The following BNC2 variants were observed in gnomAD, a reference collection of about 807,000 sequenced individuals.
BNC2 encodes the protein zinc finger protein basonuclin-2.
BNC2 carries 20 observed loss-of-function variants against 76.3 expected under a neutral mutation model. The observed-to-expected ratio is 0.26, with a 90% CI of 0.18 to 0.38. The LOEUF (loss-of-function observed/expected upper bound fraction) is 0.38, where lower values mean the gene tolerates loss of function less well. Ranked by LOEUF, BNC2 falls within the 10% of genes least tolerant of loss-of-function variation. The pLI is 1.00. For missense variants in BNC2, 1,382 were observed against 1,399.8 expected, an observed-to-expected ratio of 0.99 and a Z score of 0.20; for synonymous variants, 582 against 514.8, an observed-to-expected ratio of 1.13 and a Z score of -1.77.
intron 3 of BNC2, among the ~76,000 whole-genome samples, chr9:16,699,569 T>G (rs1823446701): frequency 6.6e-6 from 1 of 152,214 alleles, no homozygotes; most frequent in South Asian, 2.1e-4. Flanking sequence ...TAAAGAACAC[T>G]GTGGCACTGT....
intron 3 of BNC2, among the ~76,000 whole-genome samples, chr9:16,621,339 C>T (rs1247324928): frequency 1.3e-5 from 2 of 152,110 alleles, no homozygotes; most frequent in African/African-American, 2.4e-5. Context: ...TTTCTTCTCC[C>T]ACAACACTGC....
intron 3 of BNC2, among the ~76,000 whole-genome samples, chr9:16,601,444 G>T (rs755620268): frequency 6.6e-6 from 1 of 152,212 alleles, no homozygotes; most frequent in East Asian, 1.9e-4. Flanking sequence ...AAGGACTTCA[G>T]GGGTAAAGGG....
intron 1 of BNC2, among the ~76,000 whole-genome samples, chr9:16,744,196 C>G (rs1485555212): frequency 6.6e-6 from 1 of 152,130 alleles, no homozygotes; most frequent in African/African-American, 2.4e-5. Context: ...GTCTCAATCT[C>G]CTGACCTTGT....
chr9:16,795,928 T>A (rs1586890668), intron 1 of BNC2, among the ~76,000 whole-genome samples: 1 of 152,090 alleles, frequency 6.6e-6, no homozygotes, highest in Non-Finnish European at 1.5e-5. Context: ...ACTAAGCACC[T>A]CCAAGAGCAA....
chr9:16,602,504 A>T (rs1820270384), intron 3 of BNC2, among the ~76,000 whole-genome samples: 2 of 152,174 alleles, frequency 1.3e-5, no homozygotes, highest in Non-Finnish European at 2.9e-5. Context: ...AGAAAACAAA[A>T]ATCTAAATGT....
Position 16,506,510 on chromosome 9 carries a change from C to T in BNC2, c.669+46020G>A, listed in dbSNP as rs201474919. On this transcript the variant is annotated intron_variant, in intron 5 of 6. Transcript: ENST00000380672. ...AAAGTACACTTCTCTCTCTCTCTCT[C>T]CTCTTTTTTTTTTTTTTTTTTTTTT... Among the ~76,000 whole-genome samples the T allele has an allele frequency of 2.3e-5, 2 of 88,540 alleles. 1 individual carries two copies. 58.1% of individuals were successfully genotyped at this position (88,540 alleles called of 152,430 possible).
rs80291377 is a variant in BNC2 at position 16,684,915 on chromosome 9, A to T, written c.330+42882T>A. 1.7e-4 allele frequency among the ~76,000 whole-genome samples: 24 copies of T among 144,330 alleles called. 1 individual carries two copies. In the South Asian group the frequency reaches 5.1e-3, roughly 31 times the overall value. The allele number at this position is 144,330 out of a possible 152,430, so 94.7% of individuals were successfully genotyped here. ...AACAGTTTCACCAAAAAAAAAAAAA[A>T]TGTACTTTGCTAATATACTCCTATT... On this transcript the variant is annotated intron_variant, in intron 3 of 6. Transcript: ENST00000380672.
At chr9:16,811,237 A>AAAAAAAAACC (rs796981394) in intron 1 of BNC2, among the ~76,000 whole-genome samples, 3 of 145,298 alleles carry the variant, frequency 2.1e-5, no homozygotes, top group African/African-American at 8.0e-5. Context: ...GACCAAAAAA[A>AAAAAAAAACC]AAAAAAACCA....
At chr9:16,723,840 C>T (rs1374723366) in intron 3 of BNC2, among the ~76,000 whole-genome samples, 2 of 152,024 alleles carry the variant, frequency 1.3e-5, no homozygotes, top group African/African-American at 4.8e-5. Flanking sequence ...ATAACTAACA[C>T]ATCATGCTAA....
In BNC2 at chr9:16,746,906, G is replaced by A. The variant is rs374215205; in HGVS notation, c.4-8421C>T. 6.0e-5 allele frequency among the ~76,000 whole-genome samples: 9 copies of A among 150,524 alleles called. No individual in the cohort carries two copies. In the East Asian group the frequency reaches 8.0e-4, roughly 13 times the overall value. ...AAACTCTGGAGGCAGAGCTTGCAGT[G>A]AGCAGAGATTGCACCACTGCACTCC... is the stretch of plus-strand genomic sequence containing the variant. On this transcript the variant is annotated intron_variant, in intron 1 of 6. Coordinates refer to ENST00000380672, the MANE Select transcript of BNC2 (RefSeq NM_017637.6).
At chr9:16,718,530 G>C (rs769087134) in intron 3 of BNC2, among the ~76,000 whole-genome samples, 5 of 152,142 alleles carry the variant, frequency 3.3e-5, no homozygotes, top group African/African-American at 9.7e-5. Flanking sequence ...ATTTGAGTCA[G>C]AGAGACTCAT....
At chr9:16,698,228 T>C (rs1250660132) in intron 3 of BNC2, among the ~76,000 whole-genome samples, 1 of 152,148 alleles carries the variant, frequency 6.6e-6, no homozygotes, top group Non-Finnish European at 1.5e-5. Flanking sequence ...AAAATTATGC[T>C]GCCTTCCCTA....
chr9:16,664,112 A>G (rs867681520), intron 3 of BNC2, among the ~76,000 whole-genome samples: 3 of 152,064 alleles, frequency 2.0e-5, no homozygotes, highest in Admixed American at 1.3e-4. Context: ...CTGTTTCCCA[A>G]TGTAAAGGGA....
At chr9:16,682,105 T>A (rs139813054) in intron 3 of BNC2, among the ~76,000 whole-genome samples, 2,792 of 151,978 alleles carry the variant, frequency 0.018, 42 homozygotes, top group South Asian at 0.055. Flanking sequence ...AACCTTTTTT[T>A]AAAAATAAGT....
intron 5 of BNC2, among the ~76,000 whole-genome samples, chr9:16,525,591 T>C (rs1216426101): frequency 6.6e-6 from 1 of 152,158 alleles, no homozygotes; most frequent in Non-Finnish European, 1.5e-5. Context: ...ATCAAAAATA[T>C]GTTTCATCAC....
intron 3 of BNC2, among the ~76,000 whole-genome samples, chr9:16,684,061 T>C (rs1253672054): frequency 1.3e-5 from 2 of 152,194 alleles, no homozygotes; most frequent in East Asian, 1.9e-4. Context: ...TTTTCTCCCA[T>C]AGTATGTCAA....
chr9:16,762,874 T>C (rs1825590341), intron 1 of BNC2, among the ~76,000 whole-genome samples: 1 of 152,208 alleles, frequency 6.6e-6, no homozygotes. Context: ...GCCTTATACC[T>C]TACTTAAAGT....
At chr9:16,683,731 T>A (rs1287901556) in intron 3 of BNC2, among the ~76,000 whole-genome samples, 1 of 152,202 alleles carries the variant, frequency 6.6e-6, no homozygotes, top group South Asian at 2.1e-4. Context: ...AATATGTATA[T>A]GTACTAGGTA....
intron 6 of BNC2, among the ~76,000 whole-genome samples, chr9:16,430,264 T>A (rs1421869499): frequency 6.6e-6 from 1 of 152,120 alleles, no homozygotes; most frequent in East Asian, 1.9e-4. Flanking sequence ...TGTAAGAGAA[T>A]TTTAGAAATG....
Sources: allele counts gnomAD v4.1 joint callset (sites outside exome capture counted in the v4.1 genomes callset), GRCh38; gene constraint gnomAD v4.1.1; transcripts MANE v1.5; gene names NCBI Gene and HGNC (gene_info 2026-07-23, HGNC 2026-07-21).